NOX3: variants seen among roughly 807,000 people sequenced by gnomAD.
The protein encoded by NOX3 is NADPH oxidase 3, also known as NADPH oxidase catalytic subunit-like 3.
Under a neutral mutation model 76.7 loss-of-function variants are expected in NOX3, and 74 were observed. The ratio of observed to expected loss-of-function variants is 0.96; its 90% confidence interval spans 0.80 to 1.17. The LOEUF (loss-of-function observed/expected upper bound fraction) is 1.17, where lower values mean the gene tolerates loss of function less well. NOX3 is among the 50% of genes most tolerant of loss of function. The pLI is 0.00. For synonymous variants in NOX3, 263 were observed against 261.1 expected (o/e 1.01, Z -0.07); for missense variants, 695 against 703.3 (o/e 0.99, Z 0.13).
intron 11 of NOX3, among the ~76,000 whole-genome samples, chr6:155,410,003 C>G (rs1776520406): frequency 1.3e-5 from 2 of 152,132 alleles, no homozygotes; most frequent in Admixed American, 1.3e-4. Flanking sequence ...AGGCACAGTA[C>G]TTGAGAGCAG....
At chr6:155,421,699 G>A (rs1298895323) in intron 10 of NOX3, among the ~76,000 whole-genome samples, 2 of 151,974 alleles carry the variant, frequency 1.3e-5, no homozygotes, top group Non-Finnish European at 2.9e-5. Flanking sequence ...TATGCGGCCC[G>A]GGCTGGTCTA....
At chr6:155,415,503 T>G (rs1008148909) in intron 10 of NOX3, among the ~76,000 whole-genome samples, 1 of 152,216 alleles carries the variant, frequency 6.6e-6, no homozygotes, top group Non-Finnish European at 1.5e-5. Context: ...ATGTATTTAT[T>G]TATGGCCCAG....
chr6:155,411,381 T>C (rs765870346), intron 10 of NOX3, 21 bp from the exon 11 acceptor site: 8 of 1,607,640 alleles, frequency 5.0e-6, no homozygotes, highest in South Asian at 1.1e-5. Context: ...AGAAGGCAAG[T>C]GAACGGATCT....
At chr6:155,412,487 G>T (rs1776563946) in intron 10 of NOX3, among the ~76,000 whole-genome samples, 1 of 152,162 alleles carries the variant, frequency 6.6e-6, no homozygotes, top group African/African-American at 2.4e-5. Context: ...CTGAGAATAA[G>T]GCCTCTTCTT....
intron 10 of NOX3, among the ~76,000 whole-genome samples, chr6:155,417,222 C>T (rs1302059315): frequency 1.3e-5 from 2 of 152,030 alleles, no homozygotes; most frequent in African/African-American, 4.8e-5. Context: ...CTGCCTTCTA[C>T]ACACACACAC....
At position 155,455,089 on chromosome 6, in the gene NOX3, G is replaced by A. The variant is rs142268682; in HGVS notation, c.89C>T (p.Thr30Met). 2.7e-4 allele frequency: 435 copies of A among 1,613,064 alleles called. 4 individuals carry two copies. In the African/African-American group the frequency reaches 4.1e-3, roughly 15 times the overall value. Residue 30 changes from threonine (T) to methionine (M), a missense_variant, in exon 2 of 14, where the codon ACG becomes ATG. Thr to Met is a moderately conservative substitution (Grantham distance 81). Coordinates refer to ENST00000159060, the MANE Select transcript of NOX3 (RefSeq NM_015718.3). Reference protein sequence around the residue: ...LGINFYLFIDTFYWYEEEESF... With the variant: ...LGINFYLFIDMFYWYEEEESF... ...CTCCTCCTCTTCATACCAGTAGAAC[G>A]TGTCAATAAACAGATAAAAATTTAT... is the stretch of plus-strand genomic sequence containing the variant.
At position 155,442,132 on chromosome 6, in the gene NOX3, C is replaced by T. The variant is rs533795696; in HGVS notation, c.486+1141G>A. 1.4e-4 allele frequency among the ~76,000 whole-genome samples: 21 copies of T among 152,160 alleles called. No homozygotes were observed. In the East Asian group the frequency reaches 2.3e-3, roughly 17 times the overall value. ...AACAAAAATTAGCTGGGCGTGGTGGCGGGTGCCTATAGTCCCAGCTACTCA... is the reference window on the plus strand; with the variant it reads ...AACAAAAATTAGCTGGGCGTGGTGGTGGGTGCCTATAGTCCCAGCTACTCA... On this transcript the variant is annotated intron_variant, in intron 5 of 13. Transcript: ENST00000159060.
intron 13 of NOX3, among the ~76,000 whole-genome samples, chr6:155,396,509 C>G (rs777357281): frequency 6.6e-6 from 1 of 152,148 alleles, no homozygotes; most frequent in Non-Finnish European, 1.5e-5. Flanking sequence ...AAATCCAGCT[C>G]GCCCCCTGAG....
Position 155,422,790 on chromosome 6 carries a change from G to GCA in NOX3, c.1210_1211dup (p.Val405AlafsTer15). On this transcript the variant is annotated frameshift_variant, in exon 10 of 14. Transcript: ENST00000159060. LOFTEE classifies it high-confidence loss of function. ...GAGTGACTCCGATCCCCGCGGCAAC[G>GCA]CACACACACACTGGGTAGTGAAATA... The GCA allele has an allele frequency of 6.2e-7, 1 of 1,613,922 alleles. No individual in the cohort carries two copies. The highest frequency in any genetic ancestry group is 8.5e-7 in the Non-Finnish European group (1 of 1,179,834).
At chr6:155,400,599 CCTT>C (rs927632448) in intron 12 of NOX3, among the ~76,000 whole-genome samples, 6 of 151,074 alleles carry the variant, frequency 4.0e-5, no homozygotes, top group Admixed American at 4.0e-4. Flanking sequence ...TTGTACAACA[CCTT>C]CTTTTTTCAG....
chr6:155,419,312 A>G (rs1776659575), intron 10 of NOX3, among the ~76,000 whole-genome samples: 1 of 152,220 alleles, frequency 6.6e-6, no homozygotes, highest in Non-Finnish European at 1.5e-5. Context: ...CAATAGCATG[A>G]AAACCTCACT....
chr6:155,439,544 T>C (rs1300582074), intron 6 of NOX3, among the ~76,000 whole-genome samples: 1 of 152,154 alleles, frequency 6.6e-6, no homozygotes, highest in African/African-American at 2.4e-5. Context: ...CCACACATTG[T>C]CCCTGCCCGA....
intron 4 of NOX3, among the ~76,000 whole-genome samples, chr6:155,444,063 A>G (rs1562471439): frequency 6.6e-6 from 1 of 152,210 alleles, no homozygotes; most frequent in Non-Finnish European, 1.5e-5. Flanking sequence ...ATGTATGTAT[A>G]TAATGTAAAT....
At chr6:155,415,358 T>TCTC (rs1219097615) in intron 10 of NOX3, among the ~76,000 whole-genome samples, 1 of 152,168 alleles carries the variant, frequency 6.6e-6, no homozygotes, top group African/African-American at 2.4e-5. Context: ...GGCGATTACA[T>TCTC]CTCCAAAACT....
intron 4 of NOX3, among the ~76,000 whole-genome samples, chr6:155,446,909 A>G (rs911210014): frequency 6.6e-6 from 1 of 152,218 alleles, no homozygotes; most frequent in African/African-American, 2.4e-5. Flanking sequence ...TTACAGAAAT[A>G]GAAACTGAGC....
At chr6:155,431,059 A>T (rs144891992) in intron 7 of NOX3, 124 bp from the exon 8 acceptor site, 1 of 614,700 alleles carries the variant, frequency 1.6e-6, no homozygotes, top group East Asian at 2.7e-5. Context: ...ACTTTGGGCC[A>T]GTTATCAGCA....
intron 5 of NOX3, among the ~76,000 whole-genome samples, chr6:155,440,542 G>A: frequency 6.6e-6 from 1 of 152,074 alleles, no homozygotes; most frequent in Non-Finnish European, 1.5e-5. Context: ...TCAGTAGGCT[G>A]AGGTGGGAGG....
chr6:155,436,508 C>CAG lies in NOX3; in HGVS notation c.706_707dup (p.His237CysfsTer37), dbSNP rs1444471765. ...GGTCTCTACAGAAGGTGATGTTGTGCAGAGAGAGACTGTCTTGGGTTTGGC... is the reference window on the plus strand; with the variant it reads ...GGTCTCTACAGAAGGTGATGTTGTGCAGAGAGAGAGACTGTCTTGGGTTTGGC... On this transcript the variant is annotated frameshift_variant, in exon 7 of 14. Coordinates refer to ENST00000159060, the MANE Select transcript of NOX3 (RefSeq NM_015718.3). LOFTEE classifies it high-confidence loss of function. 5.6e-6 allele frequency: 9 copies of CAG among 1,613,988 alleles called. No individual in the cohort carries two copies. The highest frequency in any genetic ancestry group is 6.8e-6 in the Non-Finnish European group (8 of 1,179,978).
chr6:155,455,194 C>A, intron 1 of NOX3, 65 bp from the exon 2 acceptor site: 1 of 995,370 alleles, frequency 1.0e-6, no homozygotes, highest in Non-Finnish European at 1.5e-6. Context: ...TTCAAAATCA[C>A]TTGGGGTTCT....
Sources: allele counts gnomAD v4.1 joint callset (sites outside exome capture counted in the v4.1 genomes callset), GRCh38; gene constraint gnomAD v4.1.1; transcripts MANE v1.5; gene names NCBI Gene and HGNC (gene_info 2026-07-23, HGNC 2026-07-21).